MACROD2: variants seen among roughly 807,000 people sequenced by gnomAD.
The protein encoded by MACROD2 is mono-ADP ribosylhydrolase 2, also known as ADP-ribose glycohydrolase MACROD2.
A neutral mutation model predicts 70.4 loss-of-function variants in MACROD2; 36 were observed. The observed-to-expected ratio is 0.51, with a 90% CI of 0.39 to 0.68. The LOEUF (loss-of-function observed/expected upper bound fraction) is 0.68, where lower values mean the gene tolerates loss of function less well. MACROD2 is among the 30% of genes least tolerant of loss of function. The pLI, the probability that MACROD2 is intolerant of heterozygous loss-of-function variation, is 0.00. For synonymous variants in MACROD2, 172 were observed against 178.8 expected (o/e 0.96, Z 0.30); for missense variants, 496 against 538.4 (o/e 0.92, Z 0.78).
chr20:14,049,070 C>T (rs1057458315), intron 2 of MACROD2, among the ~76,000 whole-genome samples: 1 of 150,852 alleles, frequency 6.6e-6, no homozygotes, highest in Admixed American at 6.7e-5. Flanking sequence ...AAAATACAGG[C>T]TGAAATACGT....
At chr20:14,973,308 T>C (rs1330908721) in intron 5 of MACROD2, among the ~76,000 whole-genome samples, 1 of 146,936 alleles carries the variant, frequency 6.8e-6, no homozygotes, top group East Asian at 2.1e-4. Context: ...CTTGGTTCAC[T>C]GCAACCTGGG....
intron 3 of MACROD2, among the ~76,000 whole-genome samples, chr20:14,243,174 C>G (rs1317103704): frequency 6.6e-6 from 1 of 152,216 alleles, no homozygotes; most frequent in Non-Finnish European, 1.5e-5. Flanking sequence ...TACATACAGA[C>G]TATAAACTGT....
chr20:15,500,175 A>G (rs531563898), intron 8 of MACROD2, among the ~76,000 whole-genome samples: 63 of 152,094 alleles, frequency 4.1e-4, no homozygotes, highest in African/African-American at 1.4e-3. Context: ...TTCCTATGCT[A>G]TTTTCCTTAA....
intron 5 of MACROD2, among the ~76,000 whole-genome samples, chr20:15,005,217 G>A (rs1269957653): frequency 6.6e-6 from 1 of 152,144 alleles, no homozygotes; most frequent in Non-Finnish European, 1.5e-5. Flanking sequence ...AGGTATTATT[G>A]ACAGAATAGA....
intron 5 of MACROD2, among the ~76,000 whole-genome samples, chr20:14,851,451 GC>G (rs2073198679): frequency 6.6e-6 from 1 of 152,164 alleles, no homozygotes; most frequent in South Asian, 2.1e-4. Context: ...TTACAGGTCA[GC>G]TTATTAAAGT....
At chr20:15,490,760 T>G (rs2047221892) in intron 7 of MACROD2, among the ~76,000 whole-genome samples, 1 of 152,042 alleles carries the variant, frequency 6.6e-6, no homozygotes, top group South Asian at 2.1e-4. Flanking sequence ...GTAGTGAGGA[T>G]GTGGGGGTTG....
At chr20:14,781,316 G>T (rs2072297908) in intron 5 of MACROD2, among the ~76,000 whole-genome samples, 1 of 151,680 alleles carries the variant, frequency 6.6e-6, no homozygotes, top group Non-Finnish European at 1.5e-5. Context: ...TTTCTGTATA[G>T]CATTTAAACA....
intron 6 of MACROD2, among the ~76,000 whole-genome samples, chr20:15,251,884 T>A (rs2077158946): frequency 6.6e-6 from 1 of 152,184 alleles, no homozygotes; most frequent in African/African-American, 2.4e-5. Context: ...TGTTTGAAGT[T>A]GATAAGCCCC....
At chr20:14,385,855 C>A (rs1439640380) in intron 3 of MACROD2, among the ~76,000 whole-genome samples, 1 of 152,196 alleles carries the variant, frequency 6.6e-6, no homozygotes, top group Non-Finnish European at 1.5e-5. Flanking sequence ...GCTCAGATAA[C>A]AACTGCATAT....
chr20:15,048,121 A>AAATAAATAAATAAATAAAT (rs562714078), intron 5 of MACROD2, among the ~76,000 whole-genome samples: 4,619 of 149,764 alleles, frequency 0.031, 106 homozygotes, highest in Non-Finnish European at 0.035. Context: ...AATAAATAAT[A>AAATAAATAAATAAATAAAT]AAAAATTAGC....
rs138998365 is a variant in MACROD2 at position 15,417,214 on chromosome 20, T to C, written c.541-14191T>C. Among the ~76,000 whole-genome samples the C allele has an allele frequency of 5.3e-3, 801 of 152,198 alleles. 7 individuals are homozygous for C. The highest frequency in any genetic ancestry group is 0.018 in the African/African-American group (729 of 41,518). The stretch of plus-strand genomic sequence containing the variant: ...TGTGCTGGATATGAGAAGGATGCAG[T>C]CTGGGCTACAATTATCTGGTGTAGC... On this transcript the variant is annotated intron_variant, in intron 6 of 17. Transcript: ENST00000684519.
chr20:14,450,296 G>A (rs528654968), intron 3 of MACROD2, among the ~76,000 whole-genome samples: 2 of 152,094 alleles, frequency 1.3e-5, no homozygotes, highest in Non-Finnish European at 2.9e-5. Context: ...AGTACACATT[G>A]GGCTAATGAG....
intron 6 of MACROD2, among the ~76,000 whole-genome samples, chr20:15,417,723 G>A (rs1260002161): frequency 1.3e-5 from 2 of 151,728 alleles, no homozygotes; most frequent in African/African-American, 4.8e-5. Context: ...GGGCTCCACC[G>A]CAGACCTTCT....
chr20:15,942,030 C>T (rs942461683), intron 12 of MACROD2, among the ~76,000 whole-genome samples: 6 of 152,070 alleles, frequency 3.9e-5, no homozygotes, highest in East Asian at 1.9e-4. Flanking sequence ...TTAAAAAATT[C>T]GAACAGTCAT....
At chr20:15,372,610 T>C (rs555988763) in intron 6 of MACROD2, among the ~76,000 whole-genome samples, 5 of 152,346 alleles carry the variant, frequency 3.3e-5, no homozygotes, top group African/African-American at 1.2e-4. Flanking sequence ...ATAATAATTA[T>C]GTGTTGCCAA....
At chr20:14,108,477 A>T (rs2039943349) in intron 3 of MACROD2, among the ~76,000 whole-genome samples, 1 of 128,022 alleles carries the variant, frequency 7.8e-6, no homozygotes, top group South Asian at 2.3e-4. Flanking sequence ...TAAGTGGATA[A>T]AAAAAAAAAA....
chr20:15,344,825 G>A (rs2078147539), intron 6 of MACROD2, among the ~76,000 whole-genome samples: 1 of 152,216 alleles, frequency 6.6e-6, no homozygotes, highest in Admixed American at 6.5e-5. Flanking sequence ...AATCTGACCT[G>A]TAATAGAGCC....
chr20:14,024,551 A>G (rs2053131972), intron 2 of MACROD2, among the ~76,000 whole-genome samples: 1 of 152,264 alleles, frequency 6.6e-6, no homozygotes, highest in East Asian at 1.9e-4. Context: ...CTATTTTGAG[A>G]TACATTCCAT....
intron 8 of MACROD2, among the ~76,000 whole-genome samples, chr20:15,531,348 T>C (rs1032844858): frequency 1.1e-4 from 16 of 151,882 alleles, no homozygotes; most frequent in African/African-American, 3.4e-4. Context: ...GTATTATTTA[T>C]GTTAATTTTC....
Sources: gnomAD v4.1 joint callset for allele counts (sites outside exome capture counted in the v4.1 genomes callset) on GRCh38, gnomAD v4.1.1 for gene constraint, MANE v1.5 for transcripts, NCBI Gene and HGNC (gene_info 2026-07-23, HGNC 2026-07-21) for gene names.